Variants in SYNGR1 observed in about 807,000 individuals in gnomAD.
SYNGR1 encodes synaptogyrin 1.
Under a neutral mutation model 26.1 loss-of-function variants are expected in SYNGR1, and 14 were observed. That is an observed-to-expected ratio of 0.54 (90% CI 0.35 to 0.84). SYNGR1 has a LOEUF of 0.84. Ranked by LOEUF, SYNGR1 falls within the 40% of genes least tolerant of loss-of-function variation. The pLI, the probability that SYNGR1 is intolerant of heterozygous loss-of-function variation, is 0.01. For synonymous variants in SYNGR1, 141 were observed against 150.1 expected (o/e 0.94, Z 0.44); for missense variants, 319 against 332.9 (o/e 0.96, Z 0.33).
rs1474250790 is a variant in SYNGR1, at chr22:39,384,739, T to A, written c.*2825T>A. 5.0e-6 allele frequency: 2 copies of A among 399,008 alleles called. No homozygotes were observed. Among genetic ancestry groups the A allele is most frequent in the East Asian group, 7.1e-5 (2 of 28,176 alleles). The allele number at this position is 399,008 out of a possible 1,614,324, so 24.7% of individuals were successfully genotyped here. A position where few individuals can be genotyped will look rare whatever the true frequency, so the allele number is the denominator to read the frequency against. The stretch of plus-strand genomic sequence containing the variant: ...CCTCCTGCAGCTGGACCCTGCAGGG[T>A]GGCTCCCTCCTCCCCATCAAGCACA... On this transcript the variant is annotated 3_prime_UTR_variant, in exon 4 of 4. Transcript: ENST00000328933.
intron 1 of SYNGR1, among the ~76,000 whole-genome samples, chr22:39,368,076 C>G (rs1924849526): frequency 1.3e-5 from 2 of 152,190 alleles, no homozygotes; most frequent in African/African-American, 2.4e-5. Flanking sequence ...GCCCTTTTCC[C>G]TGGCCATCAC....
At chr22:39,364,368 A>G (rs541992751) in intron 1 of SYNGR1, 2 of 1,610,898 alleles carry the variant, frequency 1.2e-6, no homozygotes, top group South Asian at 2.2e-5. Flanking sequence ...TGACTGTGAA[A>G]TGCTCTAAGT....
chr22:39,353,693 T>C (rs752626336), intron 1 of SYNGR1, among the ~76,000 whole-genome samples: 1 of 152,238 alleles, frequency 6.6e-6, no homozygotes, highest in Non-Finnish European at 1.5e-5. Context: ...CGCCTGTCAG[T>C]GACTCATTTC....
At chr22:39,377,038 A>G in intron 3 of SYNGR1, 1 of 1,550,812 alleles carries the variant, frequency 6.4e-7, no homozygotes, top group Non-Finnish European at 8.7e-7. Context: ...CATCACCTCC[A>G]TAGCCCCATC....
intron 1 of SYNGR1, among the ~76,000 whole-genome samples, chr22:39,365,454 G>A (rs1325994956): frequency 6.6e-6 from 1 of 152,160 alleles, no homozygotes; most frequent in African/African-American, 2.4e-5. Flanking sequence ...GTGGAGTGAA[G>A]AGCATACATT....
At chr22:39,372,017 C>G (rs1925044731) in intron 1 of SYNGR1, among the ~76,000 whole-genome samples, 1 of 151,976 alleles carries the variant, frequency 6.6e-6, no homozygotes, top group South Asian at 2.1e-4. Flanking sequence ...GGTGAGGAAT[C>G]TGCTAAGCTT....
At position 39,384,375 on chromosome 22, in the gene SYNGR1, C is replaced by G. The variant is rs1925592884; in HGVS notation, c.*2461C>G. 1 of 397,398 alleles carries G rather than the reference C, an allele frequency of 2.5e-6. No individual in the cohort carries two copies. Among genetic ancestry groups the G allele is most frequent in the South Asian group, 1.4e-4 (1 of 7,014 alleles). The allele number at this position is 397,398 out of a possible 1,614,324, so 24.6% of individuals were successfully genotyped here. ...CAGGGAAAGCTGTCAAGACTCCTGC[C>G]AGGAATGGGGGGTGCTGAGTCATCT... On this transcript the variant is annotated 3_prime_UTR_variant, in exon 4 of 4. Transcript: ENST00000328933.
chr22:39,353,316 A>G (rs1924001998), intron 1 of SYNGR1, among the ~76,000 whole-genome samples: 1 of 152,108 alleles, frequency 6.6e-6, no homozygotes, highest in South Asian at 2.1e-4. Context: ...CAGCCTGCAC[A>G]GAAGCAGGGC....
At chr22:39,374,880 A>G in intron 2 of SYNGR1, 2 of 404,620 alleles carry the variant, frequency 4.9e-6, no homozygotes, top group South Asian at 2.3e-5. Flanking sequence ...CTTCTGTGCC[A>G]CCTCCCTGGG....
chr22:39,357,996 G>A (rs532716016), intron 1 of SYNGR1, among the ~76,000 whole-genome samples: 67 of 152,390 alleles, frequency 4.4e-4, no homozygotes, highest in African/African-American at 1.3e-3. Flanking sequence ...CGCACGGCGC[G>A]GGAGTGGCAG....
Position 39,381,750 on chromosome 22 carries a change from C to G in SYNGR1, c.538C>G (p.Leu180Val). 1.2e-6 allele frequency: 2 copies of G among 1,613,508 alleles called. No homozygotes were observed. Residue 180 changes from leucine to valine, a missense_variant, in exon 4 of 4, where the codon CTC becomes GTC. Transcript: ENST00000328933. ...QRYQIGADSA[L>V]FSQDYMDPSQ... ...GTACCAGATTGGCGCCGACTCGGCCCTCTTCTCCCAGGACTACATGGACCC... is the reference window on the plus strand; with the variant it reads ...GTACCAGATTGGCGCCGACTCGGCCGTCTTCTCCCAGGACTACATGGACCC...
chr22:39,360,584 C>T (rs376964208), intron 1 of SYNGR1, among the ~76,000 whole-genome samples: 48 of 152,186 alleles, frequency 3.2e-4, no homozygotes, highest in Admixed American at 9.2e-4. Context: ...TCACCCCGCT[C>T]GCCGCAGAAT....
rs547706759 is a variant in SYNGR1 at position 39,359,759 on chromosome 22, T to C, written c.99+9650T>C. On this transcript the variant is annotated intron_variant, in intron 1 of 3. Transcript: ENST00000328933. ...TCTGTGACCCTTTCCACACCTGGCC[T>C]CCTCTTCCCGCATGGTCTTGTCCGC... Among the ~76,000 whole-genome samples, 13 of 151,418 alleles carry C rather than the reference T, an allele frequency of 8.6e-5. No individual in the cohort carries two copies. In the South Asian group the frequency reaches 2.1e-3, roughly 24 times the overall value.
Position 39,381,744 on chromosome 22 carries a change from T to A in SYNGR1, c.532T>A (p.Ser178Thr). 6.2e-7 allele frequency: 1 copy of A among 1,613,314 alleles called. No individual in the cohort carries two copies. The highest frequency in any genetic ancestry group is 1.3e-5 in the African/African-American group (1 of 74,984). Residue 178 changes from serine (S) to threonine (T), a missense_variant, in exon 4 of 4, where the codon TCG (serine) becomes ACG (threonine). Transcript: ENST00000328933. ...AFQRYQIGADSALFSQDYMDP... is the reference protein window; with the variant it reads ...AFQRYQIGADTALFSQDYMDP... The stretch of plus-strand genomic sequence containing the variant: ...CCAGCGGTACCAGATTGGCGCCGAC[T>A]CGGCCCTCTTCTCCCAGGACTACAT...
chr22:39,370,007 A>C (rs1924944590), intron 1 of SYNGR1, among the ~76,000 whole-genome samples: 1 of 152,052 alleles, frequency 6.6e-6, no homozygotes, highest in Admixed American at 6.6e-5. Flanking sequence ...TTTGTAATTT[A>C]TTTATTGTAG....
At chr22:39,356,525 G>A (rs914000712) in intron 1 of SYNGR1, among the ~76,000 whole-genome samples, 2 of 152,200 alleles carry the variant, frequency 1.3e-5, no homozygotes, top group Admixed American at 6.5e-5. Flanking sequence ...CATGAGCAGC[G>A]TGTGCAAAGC....
At chr22:39,357,134 A>G (rs554689761) in intron 1 of SYNGR1, among the ~76,000 whole-genome samples, 65 of 152,068 alleles carry the variant, frequency 4.3e-4, no homozygotes, top group Admixed American at 1.6e-3. Context: ...GGTGCCTAGG[A>G]TTATGCTTGT....
At chr22:39,377,158 G>A (rs569648749) in intron 3 of SYNGR1, 43 of 1,474,450 alleles carry the variant, frequency 2.9e-5, no homozygotes, top group East Asian at 2.5e-4. Flanking sequence ...GCCGCCAGCC[G>A]TCCCTGTTTC....
chr22:39,358,438 A>G (rs910463592), intron 1 of SYNGR1, among the ~76,000 whole-genome samples: 2 of 152,112 alleles, frequency 1.3e-5, no homozygotes, highest in Admixed American at 1.3e-4. Context: ...GTTGCGATAA[A>G]TTTTGCTACT....
Sources: gnomAD v4.1 joint callset for allele counts (sites outside exome capture counted in the v4.1 genomes callset) on GRCh38, gnomAD v4.1.1 for gene constraint, MANE v1.5 for transcripts, NCBI Gene and HGNC (gene_info 2026-07-23, HGNC 2026-07-21) for gene names.